AKAP7: variants seen among roughly 807,000 people sequenced by gnomAD.
The protein encoded by AKAP7 is A kinase (PRKA) anchor protein 7.
Under a neutral mutation model 39.5 loss-of-function variants are expected in AKAP7, and 39 were observed. The ratio of observed to expected loss-of-function variants is 0.99; its 90% CI spans 0.76 to 1.29. The LOEUF (loss-of-function observed/expected upper bound fraction) is 1.29, where lower values mean the gene tolerates loss of function less well. Among genes scored for constraint, AKAP7 ranks in the 50% most tolerant of loss-of-function variants. The pLI, the probability that AKAP7 is intolerant of heterozygous loss-of-function variation, is 0.00. For missense variants in AKAP7, 414 were observed against 407.7 expected (o/e 1.02, Z -0.13); for synonymous variants, 140 against 139.1 (o/e 1.01, Z -0.05).
upstream of AKAP7, among the ~76,000 whole-genome samples, chr6:131,130,911 T>C (rs776835639): frequency 6.6e-6 from 1 of 152,190 alleles, no homozygotes; most frequent in Non-Finnish European, 1.5e-5. Flanking sequence ...ATACTTGCAG[T>C]TGGCTTTGCA....
At chr6:131,233,957 C>G (rs890143112) in intron 7 of AKAP7, among the ~76,000 whole-genome samples, 11 of 151,956 alleles carry the variant, frequency 7.2e-5, no homozygotes, top group Admixed American at 7.2e-4. Context: ...TCAGTTGCAC[C>G]CTTTATTGTT....
At chr6:131,249,668 T>C (rs1435350837) in intron 7 of AKAP7, among the ~76,000 whole-genome samples, 2 of 152,230 alleles carry the variant, frequency 1.3e-5, no homozygotes, top group South Asian at 2.1e-4. Context: ...TGTTATTTCA[T>C]GTAATAGAGT....
chr6:131,181,110 A>G (rs1805185855), intron 5 of AKAP7, among the ~76,000 whole-genome samples: 1 of 151,756 alleles, frequency 6.6e-6, no homozygotes. Context: ...TAATTTTTGT[A>G]TTTTTAGTAG....
At chr6:131,235,089 G>A (rs988728229) in intron 7 of AKAP7, among the ~76,000 whole-genome samples, 1 of 151,932 alleles carries the variant, frequency 6.6e-6, no homozygotes, top group African/African-American at 2.4e-5. Context: ...CCTGGTGTGT[G>A]ATGTTCCCCT....
chr6:131,128,879 A>G, the AKAP7 span, among the ~76,000 whole-genome samples: 4 of 152,170 alleles, frequency 2.6e-5, no homozygotes, highest in Non-Finnish European at 1.5e-5. Context: ...AGAAAAATGT[A>G]CTTATCATAG....
chr6:131,209,645 C>A (rs1461312647), intron 6 of AKAP7, among the ~76,000 whole-genome samples: 1 of 152,122 alleles, frequency 6.6e-6, no homozygotes, highest in African/African-American at 2.4e-5. Context: ...ATTAAAATTG[C>A]ATGTGTTTGC....
intron 5 of AKAP7, among the ~76,000 whole-genome samples, chr6:131,181,170 A>C (rs1805192880): frequency 6.6e-6 from 1 of 152,080 alleles, no homozygotes; most frequent in South Asian, 2.1e-4. Flanking sequence ...TCCTGACCTC[A>C]GGTGATCTGC....
At chr6:131,133,224 CCTA>C (rs1345828565), upstream of AKAP7, among the ~76,000 whole-genome samples, 2 of 152,030 alleles carry the variant, frequency 1.3e-5, no homozygotes, top group African/African-American at 4.8e-5. Flanking sequence ...TTAATGGTGG[CCTA>C]CTAGTTTTTC....
chr6:131,126,182 T>C, the AKAP7 span, among the ~76,000 whole-genome samples: 1 of 152,254 alleles, frequency 6.6e-6, no homozygotes, highest in South Asian at 2.1e-4. Flanking sequence ...CATTTATGGC[T>C]TATTTTTGGT....
In AKAP7 at chr6:131,241,577, A is replaced by ATATG. The variant is rs1349874555; in HGVS notation, c.850+21770_850+21771insATGT. ...GAGGTCCAGGACATAGATTATATATATGTGTGTGTGTGTGTGTGTGTGTGT... is the reference window on the plus strand; with the variant it reads ...GAGGTCCAGGACATAGATTATATATATATGTGTGTGTGTGTGTGTGTGTGTGTGT... On this transcript the variant is annotated intron_variant, in intron 7 of 7. Transcript: ENST00000431975. Among the ~76,000 whole-genome samples, 203 of 81,300 alleles carry ATATG rather than the reference A, an allele frequency of 2.5e-3. 2 individuals are homozygous for ATATG. The highest frequency in any genetic ancestry group is 0.02 in the Admixed American group (138 of 6,834). 53.3% of individuals were successfully genotyped at this position (81,300 alleles called of 152,430 possible).
At chr6:131,250,615 CAGTA>C in intron 7 of AKAP7, 5 of 1,613,852 alleles carry the variant, frequency 3.1e-6, no homozygotes, top group Non-Finnish European at 4.2e-6. Flanking sequence ...AAGGAAAAAT[CAGTA>C]AGTGGGATTT....
chr6:131,168,966 G>C, intron 4 of AKAP7, 147 bp from the exon 5 acceptor site: 1 of 686,176 alleles, frequency 1.5e-6, no homozygotes, highest in Non-Finnish European at 2.3e-6. Context: ...TAATCATAAA[G>C]TTTAGATTTA....
At chr6:131,146,535 A>C (rs1185612126) in intron 2 of AKAP7, among the ~76,000 whole-genome samples, 1 of 152,232 alleles carries the variant, frequency 6.6e-6, no homozygotes, top group African/African-American at 2.4e-5. Context: ...CCTTCACTGA[A>C]AATGTTAAAG....
chr6:131,217,896 AACCTGC>A (rs1200513188), intron 6 of AKAP7, among the ~76,000 whole-genome samples: 1 of 152,102 alleles, frequency 6.6e-6, no homozygotes. Flanking sequence ...GACTTTCTCC[AACCTGC>A]ACACCCCTAC....
chr6:131,147,205 G>C (rs1450886987), intron 2 of AKAP7, among the ~76,000 whole-genome samples: 1 of 152,210 alleles, frequency 6.6e-6, no homozygotes, highest in Non-Finnish European at 1.5e-5. Flanking sequence ...TTTGCATCCT[G>C]CCAGGGAATC....
At chr6:131,141,305 C>T (rs1801004376) in intron 1 of AKAP7, among the ~76,000 whole-genome samples, 1 of 152,088 alleles carries the variant, frequency 6.6e-6, no homozygotes, top group South Asian at 2.1e-4. Flanking sequence ...GCCACCTCCA[C>T]CTCTCTGTCA....
At chr6:131,244,018 T>G (rs1306222496) in intron 7 of AKAP7, among the ~76,000 whole-genome samples, 1 of 146,308 alleles carries the variant, frequency 6.8e-6, no homozygotes, top group African/African-American at 2.5e-5. Context: ...TTTTTCCAAA[T>G]AAGGTTTTAA....
chr6:131,133,730 A>T (rs999111546), upstream of AKAP7, among the ~76,000 whole-genome samples: 2 of 152,248 alleles, frequency 1.3e-5, no homozygotes, highest in African/African-American at 4.8e-5. Context: ...GATTAAGACG[A>T]GAAAAGGATT....
At chr6:131,224,094 C>G (rs1023949043) in intron 7 of AKAP7, among the ~76,000 whole-genome samples, 5 of 152,080 alleles carry the variant, frequency 3.3e-5, no homozygotes, top group Non-Finnish European at 7.4e-5. Context: ...ATGATTTTTG[C>G]TTATTACAAA....
Sources: allele counts gnomAD v4.1 joint callset (sites outside exome capture counted in the v4.1 genomes callset), GRCh38; gene constraint gnomAD v4.1.1; transcripts MANE v1.5; gene names NCBI Gene and HGNC (gene_info 2026-07-23, HGNC 2026-07-21).